PEAK1: variants seen among roughly 807,000 people sequenced by gnomAD.
PEAK1 encodes inactive tyrosine-protein kinase PEAK1.
PEAK1 carries 54 observed loss-of-function variants against 124.7 expected under a neutral mutation model. That is an observed-to-expected ratio of 0.43 (90% CI 0.35 to 0.54). The LOEUF (loss-of-function observed/expected upper bound fraction) is 0.54, where lower values mean the gene tolerates loss of function less well. Ranked by LOEUF, PEAK1 falls within the 20% of genes least tolerant of loss-of-function variation. The probability of loss-of-function intolerance (pLI) is 0.01; values close to 1 mark genes in which losing one functional copy is unlikely to be tolerated. For synonymous variants in PEAK1, 719 were observed against 760.0 expected (o/e 0.95, Z 0.89); for missense variants, 2,046 against 2,134.5 (o/e 0.96, Z 0.82).
At chr15:77,320,213 C>A (rs942696910) in intron 2 of PEAK1, among the ~76,000 whole-genome samples, 1 of 152,112 alleles carries the variant, frequency 6.6e-6, no homozygotes, top group Admixed American at 6.6e-5. Flanking sequence ...TTCCTCTTTA[C>A]TCCCTAGTGT....
At chr15:77,274,927 A>G (rs2062230845) in intron 5 of PEAK1, among the ~76,000 whole-genome samples, 1 of 152,234 alleles carries the variant, frequency 6.6e-6, no homozygotes, top group African/African-American at 2.4e-5. Context: ...AATATCCATC[A>G]ATCAATAAGT....
intron 6 of PEAK1, among the ~76,000 whole-genome samples, chr15:77,219,114 G>C (rs971525403): frequency 2.0e-5 from 3 of 152,064 alleles, no homozygotes; most frequent in African/African-American, 4.8e-5. Context: ...TCTAAATTAA[G>C]ATTAATATAT....
intron 7 of PEAK1, among the ~76,000 whole-genome samples, chr15:77,159,395 T>C (rs991796937): frequency 2.6e-5 from 4 of 152,184 alleles, no homozygotes; most frequent in African/African-American, 4.8e-5. Context: ...ATATGACCAA[T>C]CTTGTTTTAC....
rs528973007 is a variant in PEAK1, at chr15:77,176,669, T to C, written c.3137+2121A>G. Among the ~76,000 whole-genome samples, 15 of 152,334 alleles carry C rather than the reference T, an allele frequency of 9.8e-5. No individual in the cohort carries two copies. In the East Asian group the frequency reaches 2.9e-3, roughly 29 times the overall value. Reference sequence around the variant, plus strand: ...TTTTGGAAGACCTGACTGGCCTATGTATAACCTAATTGTGAAAATAAAAGC... The same window carrying C: ...TTTTGGAAGACCTGACTGGCCTATGCATAACCTAATTGTGAAAATAAAAGC... On this transcript the variant is annotated intron_variant, in intron 7 of 9. Coordinates refer to ENST00000682557, the MANE Select transcript of PEAK1 (RefSeq NM_001385026.1).
exon 7 of PEAK1, chr15:77,102,763 ACT>A (rs1236887779): frequency 3.3e-5 from 5 of 152,056 alleles, no homozygotes; most frequent in African/African-American, 1.2e-4. Flanking sequence ...CCTGTATCAC[ACT>A]GTTTTATTGA....
At chr15:77,406,593 T>C (rs971878794) in intron 1 of PEAK1, among the ~76,000 whole-genome samples, 3 of 152,306 alleles carry the variant, frequency 2.0e-5, no homozygotes, top group Admixed American at 6.5e-5. Context: ...GAAAGTCCTC[T>C]ACAAGGAAAA....
chr15:77,115,315 C>T lies in PEAK1; in HGVS notation c.4082G>A (p.Cys1361Tyr). The stretch of plus-strand genomic sequence containing the variant: ...CTGAGATTCTTTAGCTTTGCTCTTA[C>T]AGATCTGAAAGATAATAAAACAATT... Reference protein sequence around the residue: ...DPLNNYAVKICKSKAKESQQY... With the variant: ...DPLNNYAVKIYKSKAKESQQY... Residue 1361 changes from cysteine to tyrosine, a missense_variant, in exon 10 of 10, where the codon TGT becomes TAT. Coordinates refer to ENST00000682557, the MANE Select transcript of PEAK1 (RefSeq NM_001385026.1). 6.2e-7 allele frequency: 1 copy of T among 1,610,934 alleles called. No homozygotes were observed. Among genetic ancestry groups the T allele is most frequent in the Non-Finnish European group, 8.5e-7 (1 of 1,177,520 alleles).
At chr15:77,168,424 G>A (rs1018611115) in intron 7 of PEAK1, among the ~76,000 whole-genome samples, 1 of 152,190 alleles carries the variant, frequency 6.6e-6, no homozygotes, top group Non-Finnish European at 1.5e-5. Flanking sequence ...CACATGGTAA[G>A]TATTTTAGGC....
chr15:77,213,489 G>C (rs1014296511), intron 6 of PEAK1, among the ~76,000 whole-genome samples: 16 of 152,124 alleles, frequency 1.1e-4, no homozygotes, highest in Non-Finnish European at 1.9e-4. Context: ...ACGAGTTCAA[G>C]ACCAGCCTGG....
At chr15:77,258,041 C>T (rs1055330258) in intron 5 of PEAK1, among the ~76,000 whole-genome samples, 8 of 152,078 alleles carry the variant, frequency 5.3e-5, no homozygotes, top group African/African-American at 1.9e-4. Context: ...TAGTTGTAGA[C>T]ATGCGGTGTC....
chr15:77,356,475 T>C (rs2067523926), intron 2 of PEAK1, among the ~76,000 whole-genome samples: 1 of 152,182 alleles, frequency 6.6e-6, no homozygotes, highest in Non-Finnish European at 1.5e-5. Context: ...AAGTTTAACA[T>C]TCATTACCCT....
intron 2 of PEAK1, chr15:77,351,906 G>A: frequency 2.0e-6 from 2 of 985,398 alleles, no homozygotes; most frequent in East Asian, 2.3e-4. Flanking sequence ...AGGTAATGAA[G>A]TCTGGTAGAC....
chr15:77,210,585 G>T (rs2058857917), intron 6 of PEAK1, among the ~76,000 whole-genome samples: 1 of 152,138 alleles, frequency 6.6e-6, no homozygotes, highest in African/African-American at 2.4e-5. Flanking sequence ...CATTGATTAA[G>T]AAAATAAATT....
At chr15:77,248,970 C>T (rs576178105) in intron 6 of PEAK1, among the ~76,000 whole-genome samples, 4 of 152,236 alleles carry the variant, frequency 2.6e-5, no homozygotes, top group East Asian at 3.9e-4. Context: ...CAGATGTGCA[C>T]CACCACTTTC....
At chr15:77,232,685 T>A (rs1388228984) in intron 6 of PEAK1, among the ~76,000 whole-genome samples, 1 of 152,232 alleles carries the variant, frequency 6.6e-6, no homozygotes, top group African/African-American at 2.4e-5. Context: ...CCTTTCTACT[T>A]GTGGCCAGGA....
At chr15:77,391,018 G>C (rs1205643822) in intron 1 of PEAK1, among the ~76,000 whole-genome samples, 1 of 152,136 alleles carries the variant, frequency 6.6e-6, no homozygotes, top group African/African-American at 2.4e-5. Context: ...GTCCCCATCA[G>C]GATTTTAGTT....
At chr15:77,278,832 GTTTTTTT>G (rs34583265) in intron 5 of PEAK1, 4 of 226,024 alleles carry the variant, frequency 1.8e-5, no homozygotes, top group Non-Finnish European at 3.3e-5. Context: ...AATTTTGTGG[GTTTTTTT>G]TTTTTTTTTT....
intron 8 of PEAK1, among the ~76,000 whole-genome samples, chr15:77,144,088 GAGA>G (rs753736111): frequency 1.3e-5 from 2 of 152,160 alleles, no homozygotes; most frequent in Non-Finnish European, 2.9e-5. Flanking sequence ...TGACAAGGGA[GAGA>G]AGGTCTATCA....
rs1481067799 is a variant in PEAK1 at position 77,350,285 on chromosome 15, A to C, written c.-603+14878T>G. 4.1e-6 allele frequency: 4 copies of C among 985,278 alleles called. No homozygotes were observed. In the African/African-American group the frequency reaches 5.2e-5, roughly 13 times the overall value. 61.0% of individuals were successfully genotyped at this position (985,278 alleles called of 1,614,324 possible). ...CACTAATTTCATATGAATTAGAAGA[A>C]TCAATATATAATTTGGGTGGGAATC... On this transcript the variant is annotated intron_variant, in intron 2 of 9. Transcript: ENST00000682557.
Sources: gnomAD v4.1 joint callset for allele counts (sites outside exome capture counted in the v4.1 genomes callset) on GRCh38, gnomAD v4.1.1 for gene constraint, MANE v1.5 for transcripts, NCBI Gene and HGNC (gene_info 2026-07-23, HGNC 2026-07-21) for gene names.